Variants in ZNF438 observed in about 807,000 individuals in gnomAD.
ZNF438 encodes the protein zinc finger protein 438.
A neutral mutation model predicts 38.0 loss-of-function variants in ZNF438; 25 were observed. That is an observed-to-expected ratio of 0.66 (90% CI 0.48 to 0.92). The LOEUF (loss-of-function observed/expected upper bound fraction) is 0.92. Ranked by LOEUF, ZNF438 falls within the 40% of genes least tolerant of loss-of-function variation. ZNF438 has a pLI of 0.00. For synonymous variants in ZNF438, 372 were observed against 364.1 expected, an observed-to-expected ratio of 1.02 and a Z score of -0.25; for missense variants, 1,007 against 999.6, an observed-to-expected ratio of 1.01 and a Z score of -0.10.
chr10:30,939,291 C>T lies in ZNF438; in HGVS notation c.-115+2284G>A, dbSNP rs547459518. Among the ~76,000 whole-genome samples, 19 of 152,272 alleles carry T rather than the reference C, an allele frequency of 1.2e-4. No individual in the cohort carries two copies. In the East Asian group the frequency reaches 2.5e-3, roughly 20 times the overall value. On this transcript the variant is annotated intron_variant, in intron 2 of 5. Coordinates refer to ENST00000413025, the Ensembl canonical transcript of ZNF438. ...TGAGGGTTGTTTATGTGCATACTGA[C>T]GTGTTTCTCACTAGAAGCATCATTA...
intron 1 of ZNF438, among the ~76,000 whole-genome samples, chr10:31,025,513 CA>C: frequency 6.6e-6 from 1 of 152,210 alleles, no homozygotes; most frequent in Non-Finnish European, 1.5e-5. Flanking sequence ...GCTTGCAATG[CA>C]GACTGAAATT....
At chr10:30,874,866 A>G (rs2038168131) in intron 4 of ZNF438, among the ~76,000 whole-genome samples, 1 of 151,674 alleles carries the variant, frequency 6.6e-6, no homozygotes, top group Non-Finnish European at 1.5e-5. Flanking sequence ...TATAAATTTT[A>G]TGATAGATCT....
chr10:31,008,539 T>C (rs889369999), intron 1 of ZNF438, among the ~76,000 whole-genome samples: 2 of 152,216 alleles, frequency 1.3e-5, no homozygotes, highest in African/African-American at 2.4e-5. Context: ...ATACAACATA[T>C]AGCCTTTTAT....
rs76124297 is a variant in ZNF438, at chr10:30,865,244, G to A, written c.37+11754C>T. On this transcript the variant is annotated intron_variant, in intron 4 of 5. Transcript: ENST00000413025. Reference sequence around the variant, plus strand: ...GTCTTTCTTCTAAGAGACATCTACAGCATGGTCACTGGAGAGGTAGTTAAT... The same window carrying A: ...GTCTTTCTTCTAAGAGACATCTACAACATGGTCACTGGAGAGGTAGTTAAT... Among the ~76,000 whole-genome samples, 588 of 152,298 alleles carry A rather than the reference G, an allele frequency of 3.9e-3. 7 individuals carry two copies. The highest frequency in any genetic ancestry group is 0.013 in the African/African-American group (551 of 41,572).
chr10:30,868,099 C>T (rs1339622300), intron 4 of ZNF438, among the ~76,000 whole-genome samples: 4 of 145,234 alleles, frequency 2.8e-5, no homozygotes, highest in African/African-American at 1.0e-4. Flanking sequence ...GACGGAGTTT[C>T]GCTTTTGTTG....
At chr10:30,893,056 G>A (rs906127218) in intron 3 of ZNF438, among the ~76,000 whole-genome samples, 1 of 152,118 alleles carries the variant, frequency 6.6e-6, no homozygotes, top group Non-Finnish European at 1.5e-5. Flanking sequence ...AAATTTCTGG[G>A]TTGACTTAAT....
At chr10:30,975,437 T>C (rs2051233747) in intron 1 of ZNF438, among the ~76,000 whole-genome samples, 1 of 152,208 alleles carries the variant, frequency 6.6e-6, no homozygotes, top group African/African-American at 2.4e-5. Context: ...CGCCCTGTGT[T>C]ACCTGATGCA....
At position 30,976,275 on chromosome 10, in the gene ZNF438, A is replaced by T. The variant is rs149262307; in HGVS notation, c.-191-34624T>A. Among the ~76,000 whole-genome samples the T allele has an allele frequency of 6.7e-4, 102 of 152,370 alleles. 2 individuals are homozygous for T. The highest frequency in any genetic ancestry group is 4.4e-3 in the Admixed American group (68 of 15,304). ...AAATGCATTAAATATTTGTTAAGAG[A>T]CAAAGTTCTTTTTAGGATAAAAAAT... On this transcript the variant is annotated intron_variant, in intron 1 of 5. Coordinates refer to ENST00000413025, the Ensembl canonical transcript of ZNF438.
intron 5 of ZNF438, among the ~76,000 whole-genome samples, chr10:30,846,046 C>T (rs2031992023): frequency 6.6e-6 from 1 of 152,228 alleles, no homozygotes; most frequent in East Asian, 1.9e-4. Context: ...GGTGCCTACC[C>T]TATTTCTTCC....
At chr10:30,950,250 C>T (rs1232440885) in intron 1 of ZNF438, among the ~76,000 whole-genome samples, 3 of 151,794 alleles carry the variant, frequency 2.0e-5, no homozygotes, top group East Asian at 1.9e-4. Context: ...TTCAAAGCAG[C>T]GTGTAAAGGG....
exon 5 of ZNF438, chr10:30,849,200 TTCC>T: frequency 1.2e-6 from 2 of 1,614,098 alleles, no homozygotes; most frequent in East Asian, 2.2e-5. Flanking sequence ...AATGATATAT[TTCC>T]TCCTTTTTCC....
intron 1 of ZNF438, among the ~76,000 whole-genome samples, chr10:30,986,679 T>C (rs1370697658): frequency 6.6e-6 from 1 of 152,200 alleles, no homozygotes; most frequent in East Asian, 1.9e-4. Flanking sequence ...TATATACTTA[T>C]TGAGTATCCC....
chr10:30,845,546 G>A (rs146984547), exon 6 of ZNF438: 259 of 1,612,514 alleles, frequency 1.6e-4, no homozygotes, highest in Non-Finnish European at 2.0e-4. Flanking sequence ...TTAGAAGGAA[G>A]TCTTCTTCCA....
chr10:30,990,333 C>T (rs915613532), intron 1 of ZNF438, among the ~76,000 whole-genome samples: 1 of 151,752 alleles, frequency 6.6e-6, no homozygotes, highest in Non-Finnish European at 1.5e-5. Flanking sequence ...TTTTTCAAAC[C>T]TTAATGAACA....
chr10:30,857,643 G>A (rs936634731), intron 4 of ZNF438: 2 of 1,434,172 alleles, frequency 1.4e-6, no homozygotes, highest in Non-Finnish European at 1.9e-6. Context: ...TCATTTGAAA[G>A]CAAAAGCATA....
chr10:30,925,383 TA>T (rs997224218), intron 2 of ZNF438, among the ~76,000 whole-genome samples: 1 of 152,162 alleles, frequency 6.6e-6, no homozygotes, highest in Non-Finnish European at 1.5e-5. Flanking sequence ...ACTACAGAGA[TA>T]ACAATACTAT....
intron 1 of ZNF438, among the ~76,000 whole-genome samples, chr10:30,980,715 T>C (rs1043521296): frequency 1.3e-5 from 2 of 152,162 alleles, no homozygotes; most frequent in Non-Finnish European, 2.9e-5. Context: ...CATGGGATCA[T>C]ATGAGATCGT....
intron 2 of ZNF438, among the ~76,000 whole-genome samples, chr10:30,924,124 C>T (rs1173637073): frequency 1.3e-5 from 2 of 152,104 alleles, no homozygotes; most frequent in African/African-American, 4.8e-5. Context: ...CTTGCAGATA[C>T]CATCTTAACC....
intron 4 of ZNF438, chr10:30,875,516 TA>T: frequency 1.0e-6 from 1 of 985,272 alleles, no homozygotes; most frequent in Non-Finnish European, 1.2e-6. Flanking sequence ...CTTGCTTGGA[TA>T]AAAAAAGGTA....
Sources: gnomAD v4.1 joint callset for allele counts (sites outside exome capture counted in the v4.1 genomes callset) on GRCh38, gnomAD v4.1.1 for gene constraint, MANE v1.5 for transcripts, NCBI Gene and HGNC (gene_info 2026-07-23, HGNC 2026-07-21) for gene names.